The following ADAMTSL1 variants were observed in gnomAD, a reference collection of about 807,000 sequenced individuals.
ADAMTSL1 encodes the protein ADAMTS-like protein 1.
A neutral mutation model predicts 201.8 loss-of-function variants in ADAMTSL1; 126 were observed. The observed-to-expected ratio is 0.62, with a 90% CI of 0.54 to 0.72. The LOEUF is 0.72. Among genes scored for constraint, ADAMTSL1 ranks in the 30% least tolerant of loss-of-function variants. The pLI is 0.00. For synonymous variants in ADAMTSL1, 1,121 were observed against 903.4 expected, an observed-to-expected ratio of 1.24 and a Z score of -4.32; for missense variants, 2,679 against 2,277.8, an observed-to-expected ratio of 1.18 and a Z score of -3.59.
chr9:17,983,383 A>G (rs898184057), intron 1 of ADAMTSL1, among the ~76,000 whole-genome samples: 2 of 152,058 alleles, frequency 1.3e-5, no homozygotes, highest in African/African-American at 2.4e-5. Flanking sequence ...TTCAACTTTT[A>G]AAGAATCCTA....
intron 15 of ADAMTSL1, among the ~76,000 whole-genome samples, chr9:18,725,228 C>A (rs1817804486): frequency 6.6e-6 from 1 of 152,100 alleles, no homozygotes; most frequent in Admixed American, 6.6e-5. Flanking sequence ...TTTATGTTAT[C>A]ATGTATGTAT....
At chr9:18,199,485 G>A (rs1162777040) in intron 2 of ADAMTSL1, among the ~76,000 whole-genome samples, 1 of 151,924 alleles carries the variant, frequency 6.6e-6, no homozygotes, top group Non-Finnish European at 1.5e-5. Context: ...AAGTAATATA[G>A]GGCAATGAAA....
Position 18,347,652 on chromosome 9 carries a change from C to T in ADAMTSL1, c.208-157177C>T, listed in dbSNP as rs140565114. On this transcript the variant is annotated intron_variant, in intron 2 of 29. Coordinates refer to the ADAMTSL1 transcript ENST00000680146. ...CTATAATGAAGCACTGCTCCTTTTC[C>T]TCTCCCAAATGAAAATCAGTTGGGC... Among the ~76,000 whole-genome samples, 883 of 152,194 alleles carry T rather than the reference C, an allele frequency of 5.8e-3. 9 individuals carry two copies. The highest frequency in any genetic ancestry group is 0.019 in the African/African-American group (773 of 41,512).
intron 1 of ADAMTSL1, among the ~76,000 whole-genome samples, chr9:18,053,045 T>A (rs1405793808): frequency 6.6e-6 from 1 of 152,218 alleles, no homozygotes; most frequent in Non-Finnish European, 1.5e-5. Context: ...ATTCTTGCCT[T>A]TGTAATACTG....
chr9:18,366,627 ATTTTTTTTTTTTTTTTTTTTTTTT>A (rs772034324), intron 2 of ADAMTSL1, among the ~76,000 whole-genome samples: 3 of 112,800 alleles, frequency 2.7e-5, no homozygotes, highest in African/African-American at 3.4e-5. Context: ...GAAATCACTA[ATTTTTTTTTTTTTTTTTTTTTTTT>A]TTTTTTTTTT....
chr9:18,723,964 G>T (rs975089185), intron 15 of ADAMTSL1: 25 of 152,212 alleles, frequency 1.6e-4, no homozygotes, highest in African/African-American at 5.8e-4. Context: ...CCTCTGTTCT[G>T]TTGGGAGCAA....
chr9:18,031,924 G>A (rs1820975368), intron 1 of ADAMTSL1, among the ~76,000 whole-genome samples: 2 of 152,198 alleles, frequency 1.3e-5, no homozygotes, highest in Non-Finnish European at 2.9e-5. Flanking sequence ...GGGCAGTGGT[G>A]CCATAGATGT....
At chr9:18,319,312 C>G (rs1212986792) in intron 2 of ADAMTSL1, among the ~76,000 whole-genome samples, 1 of 152,148 alleles carries the variant, frequency 6.6e-6, no homozygotes, top group Non-Finnish European at 1.5e-5. Flanking sequence ...GTGGAAATGT[C>G]TCTTTCAATT....
chr9:18,665,431 A>G (rs576937999), intron 9 of ADAMTSL1, among the ~76,000 whole-genome samples: 162 of 152,260 alleles, frequency 1.1e-3, no homozygotes, highest in Non-Finnish European at 1.9e-3. Flanking sequence ...CAGTCACTGC[A>G]TGTGATTGTG....
intron 22 of ADAMTSL1, among the ~76,000 whole-genome samples, chr9:18,828,685 TATATATATAAA>T (rs1824767360): frequency 9.4e-6 from 1 of 106,924 alleles, no homozygotes; most frequent in Non-Finnish European, 1.8e-5. Context: ...TATATATATA[TATATATATAAA>T]ATGTGTGTGT....
intron 1 of ADAMTSL1, among the ~76,000 whole-genome samples, chr9:18,079,030 C>T (rs1400172166): frequency 6.6e-6 from 1 of 152,158 alleles, no homozygotes; most frequent in Non-Finnish European, 1.5e-5. Flanking sequence ...TCTGTGGAAC[C>T]TCCATCCAGA....
intron 1 of ADAMTSL1, among the ~76,000 whole-genome samples, chr9:18,150,941 G>A (rs1826881110): frequency 6.6e-6 from 1 of 151,786 alleles, no homozygotes; most frequent in Non-Finnish European, 1.5e-5. Context: ...AATGACATAT[G>A]CATAGAAGGA....
intron 23 of ADAMTSL1, among the ~76,000 whole-genome samples, chr9:18,869,643 T>A (rs1827764809): frequency 6.6e-6 from 1 of 152,222 alleles, no homozygotes; most frequent in Non-Finnish European, 1.5e-5. Flanking sequence ...AATAGTTCCA[T>A]TATCTCCTGG....
At chr9:18,029,584 A>G (rs1022447637) in intron 1 of ADAMTSL1, among the ~76,000 whole-genome samples, 4 of 152,160 alleles carry the variant, frequency 2.6e-5, no homozygotes, top group Non-Finnish European at 5.9e-5. Context: ...GCACAGCAAA[A>G]GAAACTACCA....
chr9:18,732,791 C>T (rs1189908247), intron 15 of ADAMTSL1, among the ~76,000 whole-genome samples: 2 of 152,176 alleles, frequency 1.3e-5, no homozygotes, highest in African/African-American at 4.8e-5. Context: ...GGCATCTTGT[C>T]CCCATATCCT....
At chr9:17,972,479 C>T (rs1339624517) in intron 1 of ADAMTSL1, among the ~76,000 whole-genome samples, 2 of 151,602 alleles carry the variant, frequency 1.3e-5, no homozygotes, top group Non-Finnish European at 2.9e-5. Flanking sequence ...CATGTCCCTA[C>T]AAAGGACATG....
chr9:18,569,730 A>G (rs1175611652), intron 3 of ADAMTSL1, among the ~76,000 whole-genome samples: 2 of 152,196 alleles, frequency 1.3e-5, no homozygotes, highest in Admixed American at 1.3e-4. Context: ...TGTCTCCATC[A>G]ATGCTTTCTA....
At chr9:18,733,843 C>T (rs1818359093) in intron 15 of ADAMTSL1, among the ~76,000 whole-genome samples, 1 of 152,100 alleles carries the variant, frequency 6.6e-6, no homozygotes, top group African/African-American at 2.4e-5. Context: ...TTCTCTGTCA[C>T]TTGTACGGGG....
intron 23 of ADAMTSL1, among the ~76,000 whole-genome samples, chr9:18,869,319 T>C (rs1460748349): frequency 6.6e-6 from 1 of 152,228 alleles, no homozygotes; most frequent in Non-Finnish European, 1.5e-5. Context: ...TACTTTATTA[T>C]GGCAACCCTA....
Sources: allele counts gnomAD v4.1 joint callset (sites outside exome capture counted in the v4.1 genomes callset), GRCh38; gene constraint gnomAD v4.1.1; transcripts MANE v1.5; gene names NCBI Gene and HGNC (gene_info 2026-07-23, HGNC 2026-07-21).